The following WFDC10B variants were observed in gnomAD, a reference collection of about 807,000 sequenced individuals.
WFDC10B encodes the protein protein WFDC10B.
A neutral mutation model predicts 2.7 loss-of-function variants in WFDC10B; 1 was observed. The ratio of observed to expected loss-of-function variants is 0.38; its 90% CI spans 0.13 to 1.79. The LOEUF (loss-of-function observed/expected upper bound fraction) is 1.79. Among genes scored for constraint, WFDC10B ranks in the 40% most tolerant of loss-of-function variants. The pLI is 0.33. For synonymous variants in WFDC10B, 26 were observed against 32.2 expected, an observed-to-expected ratio of 0.81 and a Z score of 0.65; for missense variants, 71 against 87.8, an observed-to-expected ratio of 0.81 and a Z score of 0.76.
At chr20:45,701,753 C>A (rs1314059782) in intron 2 of WFDC10B, among the ~76,000 whole-genome samples, 11 of 142,470 alleles carry the variant, frequency 7.7e-5, no homozygotes, top group African/African-American at 2.6e-4. Flanking sequence ...CAGAGCCAGA[C>A]TCCATCATCT....
chr20:45,699,000 G>A (rs1203179038), intron 2 of WFDC10B, among the ~76,000 whole-genome samples: 1 of 150,884 alleles, frequency 6.6e-6, no homozygotes, highest in Admixed American at 6.6e-5. Flanking sequence ...GGAGAAGGAG[G>A]GGGAGGGGGA....
At chr20:45,693,640 G>C (rs1323795600) in intron 2 of WFDC10B, among the ~76,000 whole-genome samples, 2 of 152,198 alleles carry the variant, frequency 1.3e-5, no homozygotes, top group African/African-American at 4.8e-5. Context: ...GCCAGGTGTG[G>C]GATATAATCT....
At chr20:45,691,971 G>C (rs1234218239) in intron 2 of WFDC10B, among the ~76,000 whole-genome samples, 1 of 152,176 alleles carries the variant, frequency 6.6e-6, no homozygotes, top group Non-Finnish European at 1.5e-5. Context: ...GCAGTGGCTG[G>C]TAACGGTTGT....
Position 45,704,507 on chromosome 20 carries a change from T to C in WFDC10B, c.-75A>G, listed in dbSNP as rs1171984234. On this transcript the variant is annotated 5_prime_UTR_variant, in exon 2 of 4. Transcript: ENST00000330523. ...GAAAACTGTACTCACCTGTGTACAA[T>C]GCAGGAAGATTGCGAGAAAGGATTT... is the stretch of plus-strand genomic sequence containing the variant. The C allele has an allele frequency of 2.5e-6, 4 of 1,614,066 alleles. No individual in the cohort carries two copies. Among genetic ancestry groups the C allele is most frequent in the African/African-American group, 1.3e-5 (1 of 74,918 alleles).
intron 2 of WFDC10B, among the ~76,000 whole-genome samples, chr20:45,686,269 C>T (rs1003350314): frequency 2.0e-5 from 3 of 152,020 alleles, no homozygotes; most frequent in Non-Finnish European, 4.4e-5. Flanking sequence ...TTTTTCTTTT[C>T]CAAAAGGTAC....
intron 2 of WFDC10B, among the ~76,000 whole-genome samples, chr20:45,687,860 T>TTATTATTA (rs1983673570): frequency 6.9e-6 from 1 of 145,342 alleles, no homozygotes; most frequent in African/African-American, 2.6e-5. Flanking sequence ...TGTCTTTTCT[T>TTATTATTA]TTATTATTAT....
chr20:45,697,379 A>ATTTTTTTTTTTTT (rs869059383), intron 2 of WFDC10B, among the ~76,000 whole-genome samples: 2 of 114,012 alleles, frequency 1.8e-5, no homozygotes, highest in Non-Finnish European at 1.7e-5. Context: ...ACATCCCATC[A>ATTTTTTTTTTTTT]TTTTTTTTTT....
chr20:45,698,236 A>G (rs1319802356), intron 2 of WFDC10B, among the ~76,000 whole-genome samples: 1 of 152,208 alleles, frequency 6.6e-6, no homozygotes, highest in Non-Finnish European at 1.5e-5. Context: ...ACCGAAGCCA[A>G]GGCTTTGGAT....
chr20:45,702,874 C>A (rs1984224297), intron 2 of WFDC10B, among the ~76,000 whole-genome samples: 1 of 152,190 alleles, frequency 6.6e-6, no homozygotes, highest in Admixed American at 6.5e-5. Flanking sequence ...ATCATACATC[C>A]ACTCTTCTAT....
At chr20:45,698,101 C>T (rs1376741272) in intron 2 of WFDC10B, among the ~76,000 whole-genome samples, 1 of 152,150 alleles carries the variant, frequency 6.6e-6, no homozygotes, top group African/African-American at 2.4e-5. Context: ...ACAAAACTGC[C>T]TTTTCATTGT....
intron 1 of WFDC10B, 151 bp downstream of exon 1, chr20:45,704,766 GA>G: frequency 7.6e-7 from 1 of 1,307,748 alleles, no homozygotes; most frequent in Non-Finnish European, 1.1e-6. Context: ...TAAAAGTCCT[GA>G]TTAGAAAAGC....
chr20:45,698,120 G>T (rs1386187120), intron 2 of WFDC10B, among the ~76,000 whole-genome samples: 1 of 152,106 alleles, frequency 6.6e-6, no homozygotes, highest in Admixed American at 6.5e-5. Context: ...GTTGTACTTT[G>T]TAGGGTCTCC....
intron 2 of WFDC10B, among the ~76,000 whole-genome samples, chr20:45,694,516 A>T (rs539965627): frequency 2.0e-5 from 3 of 152,364 alleles, no homozygotes; most frequent in Admixed American, 6.5e-5. Flanking sequence ...CAAGCAATAG[A>T]GCTTCAAAAT....
intron 2 of WFDC10B, among the ~76,000 whole-genome samples, chr20:45,692,660 G>A (rs1436404303): frequency 2.6e-5 from 4 of 152,042 alleles, no homozygotes; most frequent in Non-Finnish European, 5.9e-5. Context: ...TGTAGTTCTC[G>A]AGCCTTGGCT....
At chr20:45,693,372 G>C (rs1446546453) in intron 2 of WFDC10B, among the ~76,000 whole-genome samples, 2 of 152,222 alleles carry the variant, frequency 1.3e-5, no homozygotes, top group Non-Finnish European at 2.9e-5. Context: ...GTCAGACAGG[G>C]ACATGTAAGT....
At chr20:45,686,553 G>A (rs574586638) in intron 2 of WFDC10B, among the ~76,000 whole-genome samples, 1 of 151,722 alleles carries the variant, frequency 6.6e-6, no homozygotes, top group South Asian at 2.1e-4. Flanking sequence ...GGGGGGCGGT[G>A]AACGTAGCTA....
At chr20:45,694,214 T>C (rs1015603139) in intron 2 of WFDC10B, among the ~76,000 whole-genome samples, 3 of 152,242 alleles carry the variant, frequency 2.0e-5, no homozygotes, top group African/African-American at 2.4e-5. Flanking sequence ...CCAATGCCTA[T>C]GTCCTGAATG....
chr20:45,704,128 C>A (rs1423698263), intron 2 of WFDC10B, among the ~76,000 whole-genome samples: 1 of 152,238 alleles, frequency 6.6e-6, no homozygotes, highest in Non-Finnish European at 1.5e-5. Context: ...TCACCACATA[C>A]ACCATTGATA....
chr20:45,686,670 C>CTT (rs533781458), intron 2 of WFDC10B, among the ~76,000 whole-genome samples: 1 of 143,512 alleles, frequency 7.0e-6, no homozygotes. Context: ...ATAAATTCTT[C>CTT]TTTTTTTTTT....
Sources: gnomAD v4.1 joint callset for allele counts (sites outside exome capture counted in the v4.1 genomes callset) on GRCh38, gnomAD v4.1.1 for gene constraint, MANE v1.5 for transcripts, NCBI Gene and HGNC (gene_info 2026-07-23, HGNC 2026-07-21) for gene names.